The following NSD1 variants were observed in gnomAD, a reference collection of about 807,000 sequenced individuals.
NSD1 encodes the protein histone-lysine N-methyltransferase, H3 lysine-36 specific.
A neutral mutation model predicts 242.7 loss-of-function variants in NSD1; 26 were observed. The observed-to-expected ratio is 0.11, with a 90% CI of 0.08 to 0.15. The LOEUF is 0.15. NSD1 is among the 10% of genes least tolerant of loss of function. The pLI is 1.00. For synonymous variants in NSD1, 1,106 were observed against 1,178.1 expected (o/e 0.94, Z 1.25); for missense variants, 2,495 against 3,272.8 (o/e 0.76, Z 5.80).
intron 19 of NSD1, 110 bp downstream of exon 19, chr5:177,282,691 C>A: frequency 1.1e-6 from 1 of 872,222 alleles, no homozygotes. Flanking sequence ...GGTCTTTTCC[C>A]ATACCCATTG....
intron 2 of NSD1, among the ~76,000 whole-genome samples, chr5:177,144,001 C>T (rs1757032694): frequency 6.6e-6 from 1 of 151,828 alleles, no homozygotes; most frequent in South Asian, 2.1e-4. Flanking sequence ...CCAGGCTGGT[C>T]GAACTCCTGA....
At chr5:177,213,934 A>G (rs1763562348) in intron 5 of NSD1, among the ~76,000 whole-genome samples, 1 of 151,632 alleles carries the variant, frequency 6.6e-6, no homozygotes, top group Non-Finnish European at 1.5e-5. Context: ...GTCTTCTTCT[A>G]AAATTATGGT....
At chr5:177,165,559 T>TC (rs1759115840) in intron 2 of NSD1, among the ~76,000 whole-genome samples, 1 of 152,108 alleles carries the variant, frequency 6.6e-6, no homozygotes, top group East Asian at 1.9e-4. Context: ...CAAATTTTTT[T>TC]CCCCCATTCT....
In NSD1 at chr5:177,135,538, T is replaced by C; in HGVS notation, c.435T>C (p.Thr145=). The C allele has an allele frequency of 6.2e-7, 1 of 1,614,220 alleles. No homozygotes were observed. The highest frequency in any genetic ancestry group is 8.5e-7 in the Non-Finnish European group (1 of 1,180,050). Reference sequence around the variant, plus strand: ...AACTCCAGGTAAAAGTAACAAAGACTATCAAGAATGGCTTTCTGCACTTTG... The same window carrying C: ...AACTCCAGGTAAAAGTAACAAAGACCATCAAGAATGGCTTTCTGCACTTTG... ...SPELQVKVTK[T]IKNGFLHFEN... The change falls in exon 2 of 23, where the codon ACT becomes ACC. Residue 145 remains threonine (T), a synonymous_variant. Coordinates refer to ENST00000439151, the MANE Select transcript of NSD1 (RefSeq NM_022455.5).
intron 3 of NSD1, among the ~76,000 whole-genome samples, chr5:177,199,584 C>A (rs918425654): frequency 2.8e-5 from 4 of 142,456 alleles, no homozygotes; most frequent in Admixed American, 6.8e-5. Flanking sequence ...TTAATATTTT[C>A]TTTTCTTTTC....
At chr5:177,197,150 A>G (rs1762161798) in intron 3 of NSD1, among the ~76,000 whole-genome samples, 1 of 152,076 alleles carries the variant, frequency 6.6e-6, no homozygotes, top group Non-Finnish European at 1.5e-5. Flanking sequence ...GATGCCTGTA[A>G]TCCCAGCTAC....
At chr5:177,271,966 A>T (rs1168477804) in intron 16 of NSD1, among the ~76,000 whole-genome samples, 2 of 151,442 alleles carry the variant, frequency 1.3e-5, no homozygotes, top group Admixed American at 1.3e-4. Context: ...TACTAAAAAT[A>T]AAAAAAAATT....
intron 6 of NSD1, 142 bp downstream of exon 6, chr5:177,236,087 T>G (rs1445047592): frequency 9.8e-6 from 8 of 818,998 alleles, no homozygotes; most frequent in Non-Finnish European, 6.0e-6. Context: ...GCACAGTACT[T>G]AGGATTTAGT....
At chr5:177,241,446 A>G (rs946902277) in intron 8 of NSD1, among the ~76,000 whole-genome samples, 2 of 151,928 alleles carry the variant, frequency 1.3e-5, no homozygotes, top group African/African-American at 4.8e-5. Context: ...CAGAGGTTGC[A>G]GTGAGTCGAG....
At chr5:177,201,720 G>A (rs954790452) in intron 3 of NSD1, among the ~76,000 whole-genome samples, 9 of 151,154 alleles carry the variant, frequency 6.0e-5, no homozygotes, top group East Asian at 2.0e-4. Context: ...CACCACGCCC[G>A]GCTACTTTTT....
At chr5:177,220,054 T>C (rs1461656358) in intron 5 of NSD1, among the ~76,000 whole-genome samples, 1 of 152,242 alleles carries the variant, frequency 6.6e-6, no homozygotes. Context: ...ATTGGTGTTT[T>C]ATATATGTTT....
intron 5 of NSD1, among the ~76,000 whole-genome samples, chr5:177,235,309 A>C (rs1272725086): frequency 6.6e-6 from 1 of 152,248 alleles, no homozygotes; most frequent in Non-Finnish European, 1.5e-5. Context: ...TGTGTAATAC[A>C]TAAATGAGTT....
rs765876148 is a variant in NSD1, at chr5:177,294,512, A to G, written c.7144A>G (p.Thr2382Ala). The stretch of plus-strand genomic sequence containing the variant: ...GTCACTGGAGAAAACCTCAGTTCCC[A>G]CTGGCCTGAGACTTCCGCCGCCAGA... ...PQSLEKTSVP[T>A]GLRLPPPDRL... Residue 2382 changes from threonine to alanine, a missense_variant, in exon 23 of 23, where the codon ACT (threonine) becomes GCT (alanine). Around this residue, in one of 19 missense-constraint regions of NSD1, gnomAD observed 475 missense variants for 563.7 expected, o/e 0.84. Coordinates refer to ENST00000439151, the MANE Select transcript of NSD1 (RefSeq NM_022455.5). 3.7e-6 allele frequency: 6 copies of G among 1,614,074 alleles called. No homozygotes were observed. The highest frequency in any genetic ancestry group is 2.7e-5 in the African/African-American group (2 of 74,936).
Position 177,135,158 on chromosome 5 carries a change from C to A in NSD1, c.55C>A (p.Pro19Thr), listed in dbSNP as rs766740770. ...AAATTGTCTGCTGCCCTTTTCCAATCCAGTGAATTTAGATGCCCCTGAAGA... is the reference window on the plus strand; with the variant it reads ...AAATTGTCTGCTGCCCTTTTCCAATACAGTGAATTTAGATGCCCCTGAAGA... ...RRNCLLPFSN[P>T]VNLDAPEDKD... Residue 19 changes from proline to threonine, a missense_variant, in exon 2 of 23, where the codon CCA becomes ACA. Physicochemically the swap from Pro to Thr is conservative, Grantham distance 38. Coordinates refer to ENST00000439151, the MANE Select transcript of NSD1 (RefSeq NM_022455.5). The A allele has an allele frequency of 6.2e-7, 1 of 1,614,158 alleles. No homozygotes were observed. Among genetic ancestry groups the A allele is most frequent in the Non-Finnish European group, 8.5e-7 (1 of 1,180,028 alleles).
intron 12 of NSD1, among the ~76,000 whole-genome samples, chr5:177,256,517 A>C (rs962532282): frequency 2.0e-5 from 3 of 152,150 alleles, no homozygotes; most frequent in Non-Finnish European, 4.4e-5. Context: ...TCCTGGACTC[A>C]AGCCAGCCAC....
At chr5:177,273,063 A>G (rs2127239940) in intron 16 of NSD1, among the ~76,000 whole-genome samples, 1 of 152,294 alleles carries the variant, frequency 6.6e-6, no homozygotes, top group South Asian at 2.1e-4. Context: ...CCTAAGATGT[A>G]GCATGTTTCC....
intron 11 of NSD1, 132 bp from the exon 12 acceptor site, chr5:177,251,598 A>G (rs906347644): frequency 8.5e-6 from 7 of 821,540 alleles, no homozygotes; most frequent in Admixed American, 2.2e-5. Context: ...ATCTACAACT[A>G]CGGGCCCTTG....
At chr5:177,237,807 AC>A (rs1264178421) in intron 6 of NSD1, among the ~76,000 whole-genome samples, 2 of 152,192 alleles carry the variant, frequency 1.3e-5, no homozygotes, top group Non-Finnish European at 2.9e-5. Flanking sequence ...TTCTGGAATT[AC>A]AGGCGTGAGC....
intron 14 of NSD1, chr5:177,265,106 A>G (rs1440577807): frequency 5.3e-6 from 4 of 751,740 alleles, no homozygotes; most frequent in African/African-American, 1.7e-5. Flanking sequence ...ATGATCAGAA[A>G]AAGAAGCCAA....
Sources: allele counts gnomAD v4.1 joint callset (sites outside exome capture counted in the v4.1 genomes callset), GRCh38; gene constraint gnomAD v4.1.1; regional missense constraint gnomAD v4.1.1; transcripts MANE v1.5; gene names NCBI Gene and HGNC (gene_info 2026-07-23, HGNC 2026-07-21).